Variants in ATP8B3 observed in about 807,000 individuals in gnomAD.
The protein encoded by ATP8B3 is phospholipid-transporting ATPase IK.
A neutral mutation model predicts 140.9 loss-of-function variants in ATP8B3; 141 were observed. That is an observed-to-expected ratio of 1.00 (90% CI 0.87 to 1.15). The LOEUF (loss-of-function observed/expected upper bound fraction) is 1.15. Ranked by LOEUF, ATP8B3 falls within the 50% of genes most tolerant of loss-of-function variation. The probability of loss-of-function intolerance (pLI) is 0.00; values close to 1 mark genes in which losing one functional copy is unlikely to be tolerated. For missense variants in ATP8B3, 1,874 were observed against 1,740.6 expected, an observed-to-expected ratio of 1.08 and a Z score of -1.36; for synonymous variants, 765 against 714.6, an observed-to-expected ratio of 1.07 and a Z score of -1.13.
Position 1,810,506 on chromosome 19 carries a change from C to T in ATP8B3, c.310+116G>A, listed in dbSNP as rs533078163. 5.7e-5 allele frequency: 58 copies of T among 1,019,236 alleles called. 2 individuals carry two copies. In the South Asian group the frequency reaches 1.0e-3, roughly 18 times the overall value. 63.1% of individuals were successfully genotyped at this position (1,019,236 alleles called of 1,614,324 possible). ...CTCGAACCCCTGACCTCAAGTGATC[C>T]ACCCGCCTCAGCCTCCCAAAGTGCC... On this transcript the variant is annotated intron_variant, in intron 3 of 28. Transcript: ENST00000310127.
chr19:1,802,407 A>AACCCCCCCCCCCCCCCCCCCCC, intron 11 of ATP8B3, 80 bp downstream of exon 11: 2 of 318,098 alleles, frequency 6.3e-6, no homozygotes, highest in Non-Finnish European at 1.2e-5. Flanking sequence ...CCACCCACCT[A>AACCCCCCCCCCCCCCCCCCCCC]CCCACCCACC....
intron 22 of ATP8B3, 32 bp downstream of exon 22, chr19:1,789,858 G>A (rs151224036): frequency 0.044 from 70,290 of 1,606,688 alleles, 1,704 homozygotes; most frequent in Middle Eastern, 0.073. Context: ...CCTGGCGCCG[G>A]GACCCCGCCG....
chr19:1,800,175 C>A lies in ATP8B3; in HGVS notation c.1344-20G>T. 1 of 1,565,020 alleles carries A rather than the reference C, an allele frequency of 6.4e-7. No individual in the cohort carries two copies. The highest frequency in any genetic ancestry group is 1.2e-5 in the South Asian group (1 of 84,726). On this transcript the variant is annotated intron_variant, in intron 13 of 28. Coordinates refer to ENST00000310127, the MANE Select transcript of ATP8B3 (RefSeq NM_138813.4). This position sits in a 1 kb window ranked among gnomAD's most constrained non-coding sequence, Gnocchi z 4.4. ...TCGGACCTGCAGAGGCACTCAGGGT[C>A]ACGGTCAGCCCCGCCTGCTGTGTGC... is the stretch of plus-strand genomic sequence containing the variant.
At position 1,799,948 on chromosome 19, in the gene ATP8B3, A is replaced by C; in HGVS notation, c.1551T>G (p.Tyr517Ter). ...FNKCCISGRV[Y>*]GPDSEATTRP... ...GGAGCTCAGGTGTCGGGGCCGCACC[A>C]TAGACGCGGCCGCTGATGCAGCACT... is the stretch of plus-strand genomic sequence containing the variant. Residue 517 changes from tyrosine to a stop codon, truncating the protein, a stop_gained and splice_region_variant, in exon 14 of 29, where the codon TAT becomes TAG. Transcript: ENST00000310127. LOFTEE classifies it high-confidence loss of function. 1.3e-6 allele frequency: 2 copies of C among 1,592,772 alleles called. No homozygotes were observed. Among genetic ancestry groups the C allele is most frequent in the African/African-American group, 2.7e-5 (2 of 74,704 alleles).
At chr19:1,804,375 C>A (rs995478382) in intron 10 of ATP8B3, among the ~76,000 whole-genome samples, 1 of 152,046 alleles carries the variant, frequency 6.6e-6, no homozygotes, top group African/African-American at 2.4e-5. Context: ...TTTGGGAAGC[C>A]GAGGCAGGTG....
chr19:1,804,718 A>G (rs2145203423), intron 10 of ATP8B3, among the ~76,000 whole-genome samples: 1 of 152,276 alleles, frequency 6.6e-6, no homozygotes, highest in South Asian at 2.1e-4. Context: ...AGGCAGGAGA[A>G]ACGCTTGAAC....
Position 1,800,362 on chromosome 19 carries a change from G to T in ATP8B3, c.1240C>A (p.Leu414Ile), listed in dbSNP as rs780468652. The change falls in exon 13 of 29, where the codon CTC (leucine) becomes ATC (isoleucine). Residue 414 changes from leucine (L) to isoleucine (I), a missense_variant. By Grantham distance (5) the Leu-to-Ile change is conservative (BLOSUM62 2). Around this residue, in one of 3 missense-constraint regions of ATP8B3, gnomAD observed 1,032 missense variants for 963.6 expected, o/e 1.07. Coordinates refer to ENST00000310127, the MANE Select transcript of ATP8B3 (RefSeq NM_138813.4). This position sits in a 1 kb window ranked among gnomAD's most constrained non-coding sequence, Gnocchi z 4.4. Reference protein sequence around the residue: ...VKEFKDHHYYLSGVHGSSVAA... With the variant: ...VKEFKDHHYYISGVHGSSVAA... ...ACGCTGCTCCCATGCACCCCCGAGA[G>T]GTAGTAGTGGTGGTCTTTGAATTCT... 2.5e-6 allele frequency: 4 copies of T among 1,612,978 alleles called. No homozygotes were observed. The highest frequency in any genetic ancestry group is 3.4e-6 in the Non-Finnish European group (4 of 1,179,856).
chr19:1,782,233 G>T lies in ATP8B3; in HGVS notation c.*795C>A. 2 of 313,166 alleles carry T rather than the reference G, an allele frequency of 6.4e-6. No homozygotes were observed. The highest frequency in any genetic ancestry group is 1.3e-4 in the South Asian group (1 of 7,578). The allele number at this position is 313,166 out of a possible 1,614,324, so 19.4% of individuals were successfully genotyped here. Reference sequence around the variant, plus strand: ...GGACATCTTCCTGATATGCCAGCGTGACTCCTTTGGGCTCGAAGATGCCTC... The same window carrying T: ...GGACATCTTCCTGATATGCCAGCGTTACTCCTTTGGGCTCGAAGATGCCTC... On this transcript the variant is annotated 3_prime_UTR_variant, in exon 29 of 29. Coordinates refer to ENST00000310127, the MANE Select transcript of ATP8B3 (RefSeq NM_138813.4).
chr19:1,796,652 G>A, intron 16 of ATP8B3, 59 bp downstream of exon 16: 1 of 1,563,510 alleles, frequency 6.4e-7, no homozygotes, highest in South Asian at 1.2e-5. Context: ...CGGGGCTGGG[G>A]ACACTGCCGT....
chr19:1,787,707 C>T, intron 24 of ATP8B3, among the ~76,000 whole-genome samples: 1 of 132,166 alleles, frequency 7.6e-6, no homozygotes, highest in Admixed American at 8.6e-5. Context: ...CCAGCCTGGG[C>T]AACAAGTGTG....
At position 1,806,142 on chromosome 19, in the gene ATP8B3, C is replaced by T. The variant is rs1213181662; in HGVS notation, c.705G>A (p.Leu235=). 4.4e-6 allele frequency: 7 copies of T among 1,599,722 alleles called. No homozygotes were observed. The highest frequency in any genetic ancestry group is 6.0e-6 in the Non-Finnish European group (7 of 1,173,706). ...GGAGACAGACCACATCCCCCACGCA[C>T]AGATCCTGCCATTTCTTCTGCTTGA... ...KSFKQKKWQD[L]CVGDVVCLRK... is the part of the protein sequence containing the mutation. Residue 235 remains leucine, a synonymous_variant, in exon 8 of 29, where the codon CTG becomes CTA. Transcript: ENST00000310127. This position sits in a 1 kb window ranked among gnomAD's most constrained non-coding sequence, Gnocchi z 5.6.
chr19:1,802,069 A>ACAC, intron 11 of ATP8B3, 25 bp from the exon 12 acceptor site: 1 of 1,112,376 alleles, frequency 9.0e-7, no homozygotes. Context: ...CCATCTATCC[A>ACAC]CCCACCCACC....
In ATP8B3 at chr19:1,795,943, C is replaced by A. The variant is rs758544372; in HGVS notation, c.1987G>T (p.Asp663Tyr). Residue 663 changes from aspartate to tyrosine, a missense_variant, in exon 18 of 29, where the codon GAC becomes TAC. By Grantham distance (160) the Asp-to-Tyr change is radical. Around this residue, in one of 3 missense-constraint regions of ATP8B3, gnomAD observed 1,032 missense variants for 963.6 expected, o/e 1.07. Coordinates refer to ENST00000310127, the MANE Select transcript of ATP8B3 (RefSeq NM_138813.4). Reference protein sequence around the residue: ...GAICLYTKGADTVIFERLHRR... With the variant: ...GAICLYTKGAYTVIFERLHRR... Reference sequence around the variant, plus strand: ...TGCAAGCGTTCGAAGATGACCGTGTCGGCGCCCTTGGTGTACAGGCAGATG... The same window carrying A: ...TGCAAGCGTTCGAAGATGACCGTGTAGGCGCCCTTGGTGTACAGGCAGATG... The A allele has an allele frequency of 3.7e-6, 6 of 1,613,262 alleles. No individual in the cohort carries two copies. Among genetic ancestry groups the A allele is most frequent in the Non-Finnish European group, 5.1e-6 (6 of 1,179,844 alleles).
intron 24 of ATP8B3, 113 bp downstream of exon 24, chr19:1,788,784 C>T (rs1197293975): frequency 9.6e-7 from 1 of 1,042,630 alleles, no homozygotes; most frequent in African/African-American, 1.6e-5. Flanking sequence ...CAAGCCCTGT[C>T]CACCGAGGAT....
At chr19:1,808,386 G>A in intron 4 of ATP8B3, 51 bp from the exon 5 acceptor site, 3 of 1,437,230 alleles carry the variant, frequency 2.1e-6, no homozygotes, top group Non-Finnish European at 2.9e-6. Context: ...TCCAGGCCAG[G>A]GGATGGGGGT....
Position 1,787,090 on chromosome 19 carries a change from T to G in ATP8B3, c.3153+13A>C. ...AGAGACCTGGAAGGAAGACCCGGCC[T>G]TGCCCTGCTCACCTGCTCAAAGAGC... On this transcript the variant is annotated intron_variant, in intron 25 of 28. Transcript: ENST00000310127. 1 of 1,584,716 alleles carries G rather than the reference T, an allele frequency of 6.3e-7. No individual in the cohort carries two copies. The highest frequency in any genetic ancestry group is 1.1e-5 in the South Asian group (1 of 87,422).
Position 1,807,332 on chromosome 19 carries a change from A to G in ATP8B3, c.517-66T>C. 1.5e-6 allele frequency: 2 copies of G among 1,336,346 alleles called. No homozygotes were observed. The highest frequency in any genetic ancestry group is 2.4e-5 in the South Asian group (2 of 82,390). The allele number at this position is 1,336,346 out of a possible 1,614,324, so 82.8% of individuals were successfully genotyped here. A position where few individuals can be genotyped will look rare whatever the true frequency, so the allele number is the denominator to read the frequency against. ...TCCCCCGTCCCCTGCCCTTCCACCAAGCCGACCTAGCCCCGCACTCGACAC... is the reference window on the plus strand; with the variant it reads ...TCCCCCGTCCCCTGCCCTTCCACCAGGCCGACCTAGCCCCGCACTCGACAC... On this transcript the variant is annotated intron_variant, in intron 5 of 28. Coordinates refer to ENST00000310127, the MANE Select transcript of ATP8B3 (RefSeq NM_138813.4). This position sits in a 1 kb window ranked among gnomAD's most constrained non-coding sequence, Gnocchi z 5.9.
rs531308728 is a variant in ATP8B3, at chr19:1,799,780, T to A, written c.1552+167A>T. ...ACTCTGCCTCAAAAAAAAAAAAAAA[T>A]TTTCCTGGCCCCCTCCAAAGGAAAC... On this transcript the variant is annotated intron_variant, in intron 14 of 28. Coordinates refer to ENST00000310127, the MANE Select transcript of ATP8B3 (RefSeq NM_138813.4). The A allele has an allele frequency of 2.7e-4, 180 of 675,928 alleles. 3 individuals carry two copies. Among genetic ancestry groups the A allele is most frequent in the African/African-American group, 1.9e-3 (103 of 54,242 alleles). 41.9% of individuals were successfully genotyped at this position (675,928 alleles called of 1,614,324 possible).
chr19:1,792,730 G>A (rs997194993), intron 18 of ATP8B3, among the ~76,000 whole-genome samples: 20 of 151,954 alleles, frequency 1.3e-4, no homozygotes, highest in South Asian at 2.1e-4. Context: ...TAACCAATAC[G>A]GTGAAACCGC....
Sources: allele counts gnomAD v4.1 joint callset (sites outside exome capture counted in the v4.1 genomes callset), GRCh38; gene constraint gnomAD v4.1.1; regional missense constraint gnomAD v4.1.1; non-coding constraint Gnocchi (gnomAD v3.1); transcripts MANE v1.5; gene names NCBI Gene and HGNC (gene_info 2026-07-23, HGNC 2026-07-21).